NEURL3: variants seen among roughly 807,000 people sequenced by gnomAD.
The protein encoded by NEURL3 is E3 ubiquitin-protein ligase NEURL3.
A neutral mutation model predicts 17.6 loss-of-function variants in NEURL3; 19 were observed. That is an observed-to-expected ratio of 1.08 (90% CI 0.75 to 1.58). The LOEUF is 1.58. Among genes scored for constraint, NEURL3 ranks in the 40% most tolerant of loss-of-function variants. The pLI is 0.00. For synonymous variants in NEURL3, 180 were observed against 161.4 expected (o/e 1.11, Z -0.87); for missense variants, 342 against 379.6 (o/e 0.90, Z 0.82).
rs549194101 is a variant in NEURL3 at position 96,500,604 on chromosome 2, C to T, written c.349G>A (p.Ala117Thr). Residue 117 changes from alanine (A) to threonine (T), a missense_variant, in exon 2 of 4, where the codon GCG (alanine) becomes ACG (threonine). By Grantham distance (58) the Ala-to-Thr change is moderately conservative. Transcript: ENST00000451794. ...TWAAVLPEGC[A>T]LTGDLVRFWV... ...AAGCGGACCAAGTCCCCAGTGAGCGCGCAGCCCTCAGGCAGCACGGCCGCC... is the reference window on the plus strand; with the variant it reads ...AAGCGGACCAAGTCCCCAGTGAGCGTGCAGCCCTCAGGCAGCACGGCCGCC... The T allele has an allele frequency of 2.8e-4, 422 of 1,526,296 alleles. No homozygotes were observed. The highest frequency in any genetic ancestry group is 3.5e-4 in the Non-Finnish European group (396 of 1,143,160). The allele number at this position is 1,526,296 out of a possible 1,614,324, so 94.5% of individuals were successfully genotyped here.
chr2:96,502,226 G>T (rs948186769), intron 1 of NEURL3, among the ~76,000 whole-genome samples: 3 of 152,130 alleles, frequency 2.0e-5, no homozygotes, highest in Non-Finnish European at 2.9e-5. Context: ...ATCCCTTCCT[G>T]CGAATCCCAG....
intron 1 of NEURL3, among the ~76,000 whole-genome samples, chr2:96,503,837 T>G (rs1240232018): frequency 6.6e-6 from 1 of 152,192 alleles, no homozygotes; most frequent in African/African-American, 2.4e-5. Flanking sequence ...ATAGGCCACA[T>G]GTGGCTCTCC....
In NEURL3 at chr2:96,500,889, C is replaced by T; in HGVS notation, c.64G>A (p.Ala22Thr). The T allele has an allele frequency of 6.4e-7, 1 of 1,561,288 alleles. No individual in the cohort carries two copies. The highest frequency in any genetic ancestry group is 2.3e-5 in the East Asian group (1 of 42,618). Residue 22 changes from alanine to threonine, a missense_variant, in exon 2 of 4, where the codon GCC becomes ACC. Transcript: ENST00000451794. ...CGCACCTGTGCGCCCTTGGCCTCGG[C>T]ATGGAAGCGAAGTGCCTCTCGGGGC... ...KAPREALRFH[A>T]EAKGAQVRLD...
At chr2:96,506,129 A>G (rs936404028), upstream of NEURL3, among the ~76,000 whole-genome samples, 3 of 152,192 alleles carry the variant, frequency 2.0e-5, no homozygotes, top group Non-Finnish European at 4.4e-5. Context: ...TCACATTGCA[A>G]CATACTCTCA....
chr2:96,501,549 G>A (rs1476003527), intron 1 of NEURL3, among the ~76,000 whole-genome samples: 1 of 152,104 alleles, frequency 6.6e-6, no homozygotes, highest in East Asian at 1.9e-4. Context: ...AGAGAAAGGG[G>A]CTTGGCTGCT....
chr2:96,500,412 C>A, intron 2 of NEURL3, 27 bp downstream of exon 2: 1 of 1,596,188 alleles, frequency 6.3e-7, no homozygotes, highest in Non-Finnish European at 8.5e-7. Context: ...CCCCACCTCC[C>A]CTGCGGGGTC....
chr2:96,498,580 A>C lies in NEURL3; in HGVS notation c.587-134T>G, dbSNP rs2065467862. The C allele has an allele frequency of 1.2e-6, 1 of 843,050 alleles. No individual in the cohort carries two copies. Among genetic ancestry groups the C allele is most frequent in the Non-Finnish European group, 1.8e-6 (1 of 559,142 alleles). The allele number at this position is 843,050 out of a possible 1,614,324, so 52.2% of individuals were successfully genotyped here. ...AATGTTACCTAGTGAGGAAATGCTT[A>C]CAGTGTAATCAAGTGAAAAAAAGGG... On this transcript the variant is annotated intron_variant, in intron 3 of 3. Coordinates refer to ENST00000451794, the MANE Select transcript of NEURL3 (RefSeq NM_001285485.2). The surrounding 1 kb of genome is among the most constrained non-coding windows in gnomAD (Gnocchi z 4.4).
chr2:96,507,258 C>T (rs537691468), upstream of NEURL3, among the ~76,000 whole-genome samples: 3 of 152,316 alleles, frequency 2.0e-5, no homozygotes, highest in East Asian at 3.9e-4. Flanking sequence ...ATGAAACCAA[C>T]GCATAAAAAT....
chr2:96,505,002 A>G (rs1272816109), intron 1 of NEURL3, among the ~76,000 whole-genome samples: 1 of 150,486 alleles, frequency 6.6e-6, no homozygotes, highest in Non-Finnish European at 1.5e-5. Flanking sequence ...CACTCTTTTG[A>G]TTTGTGCGTT....
chr2:96,500,833 C>T lies in NEURL3; in HGVS notation c.120G>A (p.Arg40=). The change falls in exon 2 of 4, where the codon AGG becomes AGA. Residue 40 remains arginine (R), a synonymous_variant. Transcript: ENST00000451794. ...RLDTRGCIAH[R]RTTFHDGIVF... is the part of the protein sequence containing the mutation. ...CGATGCCGTCGTGGAACGTGGTGCGCCTGTGCGCGATGCAGCCACGCGTGT... is the reference window on the plus strand; with the variant it reads ...CGATGCCGTCGTGGAACGTGGTGCGTCTGTGCGCGATGCAGCCACGCGTGT... 6.5e-7 allele frequency: 1 copy of T among 1,531,032 alleles called. No individual in the cohort carries two copies. The highest frequency in any genetic ancestry group is 8.7e-7 in the Non-Finnish European group (1 of 1,144,786). 94.8% of individuals were successfully genotyped at this position (1,531,032 alleles called of 1,614,324 possible).
At chr2:96,500,989 C>G (rs1226608836) in intron 1 of NEURL3, 65 bp from the exon 2 acceptor site, 1 of 1,427,916 alleles carries the variant, frequency 7.0e-7, no homozygotes, top group Admixed American at 2.8e-5. Flanking sequence ...CCCCAGAGAG[C>G]CCCCAGTATC....
upstream of NEURL3, among the ~76,000 whole-genome samples, chr2:96,507,001 C>T (rs2065566193): frequency 6.6e-6 from 1 of 152,162 alleles, no homozygotes; most frequent in African/African-American, 2.4e-5. Context: ...AACAAACTGC[C>T]AGGGTTCAGG....
In NEURL3 at chr2:96,505,243, C is replaced by T; in HGVS notation, c.28+16G>A. The T allele has an allele frequency of 6.3e-7, 1 of 1,599,140 alleles. No individual in the cohort carries two copies. Among genetic ancestry groups the T allele is most frequent in the Non-Finnish European group, 8.5e-7 (1 of 1,179,764 alleles). ...GTCCAGAGACCAAGCTCCAGGCTTG[C>T]AGGAGGTCTACTTACTGGCCTCGAA... On this transcript the variant is annotated intron_variant, in intron 1 of 3. Coordinates refer to ENST00000451794, the MANE Select transcript of NEURL3 (RefSeq NM_001285485.2).
At position 96,500,611 on chromosome 2, in the gene NEURL3, C is replaced by A. The variant is rs752694268; in HGVS notation, c.342G>T (p.Glu114Asp). 69 of 1,523,524 alleles carry A rather than the reference C, an allele frequency of 4.5e-5. 3 individuals carry two copies. In the Middle Eastern group the frequency reaches 8.4e-4, roughly 19 times the overall value. 94.4% of individuals were successfully genotyped at this position (1,523,524 alleles called of 1,614,324 possible). Residue 114 changes from glutamate (E) to aspartate (D), a missense_variant, in exon 2 of 4, where the codon GAG (glutamate) becomes GAT (aspartate). Coordinates refer to ENST00000451794, the MANE Select transcript of NEURL3 (RefSeq NM_001285485.2). ...CCAAGTCCCCAGTGAGCGCGCAGCC[C>A]TCAGGCAGCACGGCCGCCCACGTCG... The part of the protein sequence containing the change: ...QSPTWAAVLP[E>D]GCALTGDLVR...
In NEURL3 at chr2:96,498,614, A is replaced by G. The variant is rs1365644237; in HGVS notation, c.587-168T>C. On this transcript the variant is annotated intron_variant, in intron 3 of 3. Transcript: ENST00000451794. This position sits in a 1 kb window ranked among gnomAD's most constrained non-coding sequence, Gnocchi z 4.4. ...TCAAGTGAAAAAAAGGGGGAAGAAA[A>G]CCATTTTTTATATACATATATTCCA... 1 of 237,010 alleles carries G rather than the reference A, an allele frequency of 4.2e-6. No homozygotes were observed. Among genetic ancestry groups the G allele is most frequent in the Non-Finnish European group, 6.9e-6 (1 of 145,800 alleles). The allele number at this position is 237,010 out of a possible 1,614,324, so 14.7% of individuals were successfully genotyped here.
At chr2:96,501,597 C>T (rs956890386) in intron 1 of NEURL3, among the ~76,000 whole-genome samples, 1 of 152,112 alleles carries the variant, frequency 6.6e-6, no homozygotes, top group African/African-American at 2.4e-5. Context: ...GAGGAAGTCC[C>T]AGGTTAGCCC....
chr2:96,499,884 AG>A (rs372478891), intron 2 of NEURL3: 2,180 of 179,884 alleles, frequency 0.012, 52 homozygotes, highest in African/African-American at 0.053. Context: ...ATTTGCTGGC[AG>A]GAGGCGGGGA....
At chr2:96,500,951 G>C in intron 1 of NEURL3, 27 bp from the exon 2 acceptor site, 1 of 1,529,532 alleles carries the variant, frequency 6.5e-7, no homozygotes, top group South Asian at 1.2e-5. Flanking sequence ...GGGAGTGTCA[G>C]TGCTAACCGG....
At chr2:96,505,048 C>T (rs572631102) in intron 1 of NEURL3, among the ~76,000 whole-genome samples, 26 of 152,206 alleles carry the variant, frequency 1.7e-4, no homozygotes, top group African/African-American at 5.1e-4. Context: ...CAGCAGGCAT[C>T]GTCCCTGGCC....
Sources: gnomAD v4.1 joint callset for allele counts (sites outside exome capture counted in the v4.1 genomes callset) on GRCh38, gnomAD v4.1.1 for gene constraint, Gnocchi (gnomAD v3.1) non-coding constraint, MANE v1.5 for transcripts, NCBI Gene and HGNC (gene_info 2026-07-23, HGNC 2026-07-21) for gene names.